The following KIF16B variants were observed in gnomAD, a reference collection of about 807,000 sequenced individuals.
KIF16B encodes kinesin-like protein KIF16B.
KIF16B carries 98 observed loss-of-function variants against 156.3 expected under a neutral mutation model. The observed-to-expected ratio is 0.63, with a 90% CI of 0.53 to 0.74. The LOEUF is 0.74. Ranked by LOEUF, KIF16B falls within the 30% of genes least tolerant of loss-of-function variation. The probability of loss-of-function intolerance (pLI) is 0.00; values close to 1 mark genes in which losing one functional copy is unlikely to be tolerated. For missense variants in KIF16B, 1,421 were observed against 1,606.5 expected, an observed-to-expected ratio of 0.88 and a Z score of 1.97; for synonymous variants, 564 against 583.7, an observed-to-expected ratio of 0.97 and a Z score of 0.49.
intron 12 of KIF16B, among the ~76,000 whole-genome samples, chr20:16,490,932 T>C (rs1025464258): frequency 2.0e-5 from 3 of 152,180 alleles, no homozygotes; most frequent in African/African-American, 7.2e-5. Flanking sequence ...AGACAGTCCT[T>C]GGCCAGATCC....
chr20:16,514,240 G>A (rs1249090008), intron 4 of KIF16B, among the ~76,000 whole-genome samples: 1 of 152,040 alleles, frequency 6.6e-6, no homozygotes, highest in Admixed American at 6.6e-5. Context: ...AGGAGGAAGT[G>A]AGAAGTAATG....
rs74723512 is a variant in KIF16B, at chr20:16,317,754, G to A, written c.3712-5336C>T. On this transcript the variant is annotated intron_variant, in intron 24 of 25. Transcript: ENST00000354981. ...ATCCAGAAGACCATCACAGAGAGAA[G>A]AGATGACGGGAGACAAGGGTGGCCT... Among the ~76,000 whole-genome samples the A allele has an allele frequency of 8.3e-3, 1,271 of 152,358 alleles. 14 individuals are homozygous for A. Among genetic ancestry groups the A allele is most frequent in the African/African-American group, 0.029 (1,214 of 41,594 alleles).
chr20:16,452,137 G>A (rs755432381), intron 12 of KIF16B, among the ~76,000 whole-genome samples: 1 of 152,092 alleles, frequency 6.6e-6, no homozygotes, highest in African/African-American at 2.4e-5. Context: ...GGCTCAGTAG[G>A]AACTGCTCTG....
At chr20:16,374,195 G>GA (rs1345690905) in intron 20 of KIF16B, 62 bp downstream of exon 20, 9 of 1,419,458 alleles carry the variant, frequency 6.3e-6, no homozygotes, top group Non-Finnish European at 7.5e-6. Flanking sequence ...GTTCAACAGA[G>GA]AAACAATGAG....
chr20:16,525,022 G>T (rs2069488664), intron 3 of KIF16B, among the ~76,000 whole-genome samples: 1 of 152,130 alleles, frequency 6.6e-6, no homozygotes, highest in African/African-American at 2.4e-5. Flanking sequence ...ACCAAAGCCT[G>T]TCAGGGGGTA....
intron 25 of KIF16B, among the ~76,000 whole-genome samples, chr20:16,289,426 A>C (rs1364060750): frequency 6.6e-6 from 1 of 152,226 alleles, no homozygotes; most frequent in East Asian, 1.9e-4. Flanking sequence ...GAAGTGTTTA[A>C]TGTTTTCTCC....
intron 3 of KIF16B, among the ~76,000 whole-genome samples, chr20:16,522,453 G>T (rs972434410): frequency 1.3e-5 from 2 of 152,132 alleles, no homozygotes; most frequent in African/African-American, 4.8e-5. Context: ...AGGGATTAAT[G>T]CAACAAGAAG....
chr20:16,484,824 T>C (rs563146130), intron 12 of KIF16B, among the ~76,000 whole-genome samples: 119 of 152,226 alleles, frequency 7.8e-4, no homozygotes, highest in Admixed American at 8.5e-4. Flanking sequence ...CTCTCTTCTA[T>C]AGGAAGACAG....
intron 20 of KIF16B, among the ~76,000 whole-genome samples, chr20:16,373,935 C>T (rs1009070812): frequency 7.9e-5 from 12 of 152,190 alleles, no homozygotes; most frequent in South Asian, 4.1e-4. Flanking sequence ...AGAGGGCTAA[C>T]AGGTGGACTT....
chr20:16,278,421 C>T (rs1185959848), intron 25 of KIF16B, among the ~76,000 whole-genome samples: 2 of 152,198 alleles, frequency 1.3e-5, no homozygotes, highest in Non-Finnish European at 2.9e-5. Flanking sequence ...TGGACCAATA[C>T]TGATGTAGGT....
chr20:16,527,384 T>C (rs989095181), intron 2 of KIF16B, among the ~76,000 whole-genome samples: 6 of 152,182 alleles, frequency 3.9e-5, no homozygotes, highest in Non-Finnish European at 2.9e-5. Flanking sequence ...TACTTTGAAA[T>C]TGGATCTCAA....
At chr20:16,466,518 C>T (rs910888156) in intron 12 of KIF16B, among the ~76,000 whole-genome samples, 6 of 152,134 alleles carry the variant, frequency 3.9e-5, no homozygotes, top group Non-Finnish European at 5.9e-5. Context: ...ATAAGTCTCA[C>T]GAGATCTGAT....
At chr20:16,515,721 C>T (rs1032899873) in intron 3 of KIF16B, 57 bp from the exon 4 acceptor site, 40 of 907,212 alleles carry the variant, frequency 4.4e-5, no homozygotes, top group Admixed American at 1.3e-4. Context: ...TAATAATAGC[C>T]CCTTCAGTGT....
intron 17 of KIF16B, among the ~76,000 whole-genome samples, chr20:16,386,165 G>A (rs908227229): frequency 6.6e-6 from 1 of 152,142 alleles, no homozygotes; most frequent in Non-Finnish European, 1.5e-5. Flanking sequence ...CAGGACACAC[G>A]TGTAGAAGGA....
intron 10 of KIF16B, among the ~76,000 whole-genome samples, chr20:16,500,698 T>C (rs2068596844): frequency 1.3e-5 from 2 of 152,204 alleles, no homozygotes; most frequent in African/African-American, 4.8e-5. Context: ...CCGCTTTCTT[T>C]CCTCTTGAAT....
At chr20:16,406,490 G>A in intron 15 of KIF16B, 34 bp from the exon 16 acceptor site, 1 of 1,585,042 alleles carries the variant, frequency 6.3e-7, no homozygotes, top group Non-Finnish European at 8.7e-7. Context: ...TGAATTTACA[G>A]TAAGCAGTCT....
rs2066709783 is a variant in KIF16B at position 16,438,562 on chromosome 20, G to A, written c.1303-8580C>T. On this transcript the variant is annotated intron_variant, in intron 12 of 25. Transcript: ENST00000354981. ...GAGTATCTCCTCTGCAGACAAGCGG[G>A]GGCCTATTGTATTCTATTTTCCACA... is the stretch of plus-strand genomic sequence containing the variant. Among the ~76,000 whole-genome samples, 5 of 152,130 alleles carry A rather than the reference G, an allele frequency of 3.3e-5. No individual in the cohort carries two copies. The South Asian group carries it at 1.0e-3, about 32-fold the overall frequency.
intron 25 of KIF16B, among the ~76,000 whole-genome samples, chr20:16,311,681 A>C (rs1403597319): frequency 6.6e-6 from 1 of 152,128 alleles, no homozygotes; most frequent in African/African-American, 2.4e-5. Context: ...ACCATTCTTA[A>C]AGAAAACAAC....
intron 23 of KIF16B, among the ~76,000 whole-genome samples, chr20:16,338,174 C>G (rs565367146): frequency 5.5e-4 from 84 of 152,282 alleles, no homozygotes; most frequent in Non-Finnish European, 1.1e-3. Flanking sequence ...AAACCCGGCT[C>G]TCCCGTGAGG....
Sources: gnomAD v4.1 joint callset for allele counts (sites outside exome capture counted in the v4.1 genomes callset) on GRCh38, gnomAD v4.1.1 for gene constraint, MANE v1.5 for transcripts, NCBI Gene and HGNC (gene_info 2026-07-23, HGNC 2026-07-21) for gene names.